The following GDAP1L1 variants were observed in gnomAD, a reference collection of about 807,000 sequenced individuals.
GDAP1L1 encodes the protein ganglioside-induced differentiation-associated protein 1-like 1.
GDAP1L1 carries 21 observed loss-of-function variants against 37.1 expected under a neutral mutation model. The observed-to-expected ratio is 0.57, with a 90% confidence interval of 0.40 to 0.81. The LOEUF is 0.81. Ranked by LOEUF, GDAP1L1 falls within the 40% of genes least tolerant of loss-of-function variation. GDAP1L1 has a pLI of 0.00. For synonymous variants in GDAP1L1, 193 were observed against 209.1 expected (o/e 0.92, Z 0.67); for missense variants, 362 against 491.6 (o/e 0.74, Z 2.49).
At chr20:44,257,065 A>G in intron 1 of GDAP1L1, 88 bp from the exon 2 acceptor site, 19 of 1,364,202 alleles carry the variant, frequency 1.4e-5, no homozygotes, top group Non-Finnish European at 1.9e-5. Context: ...GTGACCTCTG[A>G]CCTCCCTCCC....
At chr20:44,258,167 A>C (rs2073598873) in intron 2 of GDAP1L1, 1 of 717,372 alleles carries the variant, frequency 1.4e-6, no homozygotes, top group Admixed American at 2.0e-5. Flanking sequence ...GCTTCTCTTG[A>C]ATCCCGCAAC....
chr20:44,248,889 G>A (rs539732014), intron 1 of GDAP1L1, among the ~76,000 whole-genome samples: 6 of 152,308 alleles, frequency 3.9e-5, no homozygotes, highest in East Asian at 3.9e-4. Context: ...CCTGTCCAAA[G>A]CCTCAGCTTT....
At chr20:44,257,527 C>A (rs1294998508) in intron 2 of GDAP1L1, among the ~76,000 whole-genome samples, 182 bp downstream of exon 2, 1 of 152,096 alleles carries the variant, frequency 6.6e-6, no homozygotes, top group East Asian at 1.9e-4. Context: ...GCCCCCAGAG[C>A]CCCAGAGCCA....
intron 1 of GDAP1L1, among the ~76,000 whole-genome samples, chr20:44,249,334 G>A (rs1017629135): frequency 2.6e-5 from 4 of 152,198 alleles, no homozygotes; most frequent in South Asian, 2.1e-4. Context: ...CACCAGGAGC[G>A]GCCGTTATGA....
At chr20:44,263,796 A>T (rs2073715292) in intron 4 of GDAP1L1, among the ~76,000 whole-genome samples, 1 of 152,190 alleles carries the variant, frequency 6.6e-6, no homozygotes, top group Non-Finnish European at 1.5e-5. Flanking sequence ...GTGAGCTGAG[A>T]TCGGGCCACT....
rs1259101247 is a variant in GDAP1L1, at chr20:44,280,868, A to G, written c.*1568A>G. The G allele has an allele frequency of 3.3e-5, 5 of 152,286 alleles. No homozygotes were observed. Among genetic ancestry groups the G allele is most frequent in the Non-Finnish European group, 5.9e-5 (4 of 68,052 alleles). The allele number at this position is 152,286 out of a possible 1,614,324, so 9.4% of individuals were successfully genotyped here. On this transcript the variant is annotated 3_prime_UTR_variant, in exon 6 of 6. Transcript: ENST00000342560. ...GGAAAAATGTATTTAAAATGCCCAA[A>G]GAACATTAAATCAGGAGTATAATGT...
At chr20:44,251,428 C>A (rs973264195) in intron 1 of GDAP1L1, among the ~76,000 whole-genome samples, 1 of 152,240 alleles carries the variant, frequency 6.6e-6, no homozygotes, top group African/African-American at 2.4e-5. Flanking sequence ...AGACCCAAGT[C>A]TGGGGCCTGC....
intron 3 of GDAP1L1, 46 bp from the exon 4 acceptor site, chr20:44,263,184 C>A (rs1174426025): frequency 1.3e-6 from 2 of 1,482,308 alleles, no homozygotes; most frequent in Non-Finnish European, 1.9e-6. Flanking sequence ...GATGGGGGAG[C>A]AACCAAGGTA....
intron 1 of GDAP1L1, among the ~76,000 whole-genome samples, chr20:44,253,892 G>A (rs2073491222): frequency 6.6e-6 from 1 of 152,238 alleles, no homozygotes; most frequent in South Asian, 2.1e-4. Context: ...TAGCAGCCCT[G>A]ATACTTTCAT....
chr20:44,274,497 G>A lies in GDAP1L1; in HGVS notation c.761-4460G>A, dbSNP rs532602039. Among the ~76,000 whole-genome samples, 3 of 152,174 alleles carry A rather than the reference G, an allele frequency of 2.0e-5. No individual in the cohort carries two copies. In the East Asian group the frequency reaches 5.8e-4, roughly 29 times the overall value. ...TTCTACTCCAGCTGCTCTTGCCAGG[G>A]TCGCCAGTCGGTAAACGCAGTCACC... is the stretch of plus-strand genomic sequence containing the variant. On this transcript the variant is annotated intron_variant, in intron 5 of 5. Transcript: ENST00000342560.
intron 1 of GDAP1L1, among the ~76,000 whole-genome samples, chr20:44,251,601 G>A (rs1246689396): frequency 6.6e-6 from 1 of 152,186 alleles, no homozygotes; most frequent in Non-Finnish European, 1.5e-5. Context: ...CCTAAGAGGA[G>A]CCCCAGAGAG....
Position 44,260,045 on chromosome 20 carries a change from A to T in GDAP1L1, c.547+1438A>T, listed in dbSNP as rs188608033. Among the ~76,000 whole-genome samples the T allele has an allele frequency of 2.9e-4, 44 of 152,298 alleles. No homozygotes were observed. In the East Asian group the frequency reaches 8.1e-3, roughly 28 times the overall value. On this transcript the variant is annotated intron_variant, in intron 3 of 5. Transcript: ENST00000342560. ...ACATGAGAAAGCCCACATCTTGGAG[A>T]TTACCCTGCAGTTACACTTGAACAT... is the stretch of plus-strand genomic sequence containing the variant.
intron 5 of GDAP1L1, among the ~76,000 whole-genome samples, chr20:44,275,064 T>A (rs1158615805): frequency 6.6e-6 from 1 of 152,112 alleles, no homozygotes; most frequent in Non-Finnish European, 1.5e-5. Flanking sequence ...CAGCTATTTT[T>A]AAATTTTTCT....
At chr20:44,274,110 C>T (rs1454134538) in intron 5 of GDAP1L1, among the ~76,000 whole-genome samples, 1 of 152,098 alleles carries the variant, frequency 6.6e-6, no homozygotes, top group Non-Finnish European at 1.5e-5. Context: ...TATATATGCC[C>T]TCTTGTTACC....
intron 1 of GDAP1L1, among the ~76,000 whole-genome samples, chr20:44,256,056 A>C (rs1363080626): frequency 6.6e-6 from 1 of 152,260 alleles, no homozygotes; most frequent in African/African-American, 2.4e-5. Flanking sequence ...GGGCAGGCCC[A>C]GAACTCCCTG....
At chr20:44,252,128 A>C (rs898948839) in intron 1 of GDAP1L1, among the ~76,000 whole-genome samples, 5 of 152,250 alleles carry the variant, frequency 3.3e-5, no homozygotes, top group South Asian at 2.1e-4. Context: ...AGATTACTGA[A>C]AATAAACATG....
chr20:44,261,576 G>A (rs1417648286), intron 3 of GDAP1L1, among the ~76,000 whole-genome samples: 1 of 152,180 alleles, frequency 6.6e-6, no homozygotes, highest in African/African-American at 2.4e-5. Flanking sequence ...CTGCTCTCCA[G>A]AAGCTCAAGT....
intron 1 of GDAP1L1, among the ~76,000 whole-genome samples, chr20:44,248,474 C>T (rs1413440715): frequency 6.6e-6 from 1 of 152,250 alleles, no homozygotes; most frequent in African/African-American, 2.4e-5. Flanking sequence ...GATGGAAAAA[C>T]AGAATCCATG....
rs1300627828 is a variant in GDAP1L1, at chr20:44,279,496, G to A, written c.*196G>A. 3 of 709,136 alleles carry A rather than the reference G, an allele frequency of 4.2e-6. No homozygotes were observed. Among genetic ancestry groups the A allele is most frequent in the East Asian group, 2.7e-5 (1 of 36,642 alleles). The allele number at this position is 709,136 out of a possible 1,614,324, so 43.9% of individuals were successfully genotyped here. A position where few individuals can be genotyped will look rare whatever the true frequency, so the allele number is the denominator to read the frequency against. On this transcript the variant is annotated 3_prime_UTR_variant, in exon 6 of 6. Coordinates refer to ENST00000342560, the MANE Select transcript of GDAP1L1 (RefSeq NM_024034.6). ...TGCCAATGCTGTGACTCAAGGCCAC[G>A]GCTCTACTAAAAGAGAGAGAGGAAG...
Sources: gnomAD v4.1 joint callset for allele counts (sites outside exome capture counted in the v4.1 genomes callset) on GRCh38, gnomAD v4.1.1 for gene constraint, MANE v1.5 for transcripts, NCBI Gene and HGNC (gene_info 2026-07-23, HGNC 2026-07-21) for gene names.